Variants in CDH13 observed in about 807,000 individuals in gnomAD.
The protein encoded by CDH13 is cadherin 13.
In CDH13, 24 loss-of-function variants were observed where a neutral mutation model predicts 63.8. That is an observed-to-expected ratio of 0.38 (90% CI 0.27 to 0.53). CDH13 has a LOEUF of 0.53. CDH13 is among the 20% of genes least tolerant of loss of function. CDH13 has a pLI of 0.85. For synonymous variants in CDH13, 503 were observed against 355.3 expected, an observed-to-expected ratio of 1.42 and a Z score of -4.67; for missense variants, 1,049 against 903.1, an observed-to-expected ratio of 1.16 and a Z score of -2.07.
chr16:83,782,989 T>C (rs1373393537), intron 12 of CDH13, among the ~76,000 whole-genome samples: 1 of 152,164 alleles, frequency 6.6e-6, no homozygotes, highest in African/African-American at 2.4e-5. Context: ...CACAGAACTC[T>C]GGTGATGGAA....
intron 4 of CDH13, among the ~76,000 whole-genome samples, chr16:83,155,638 T>C (rs1263546017): frequency 6.6e-6 from 1 of 152,100 alleles, no homozygotes; most frequent in Non-Finnish European, 1.5e-5. Flanking sequence ...AACTTTAAAA[T>C]GGATGCATTG....
Position 83,508,601 on chromosome 16 carries a change from G to C in CDH13, c.960+21946G>C, listed in dbSNP as rs186120552. On this transcript the variant is annotated intron_variant, in intron 7 of 13. Transcript: ENST00000567109. ...GATTACCATCCCTTCTTGACCCTTGGAATAGGACAACTTCGAGATATGTTC... is the reference window on the plus strand; with the variant it reads ...GATTACCATCCCTTCTTGACCCTTGCAATAGGACAACTTCGAGATATGTTC... 4.2e-3 allele frequency among the ~76,000 whole-genome samples: 637 copies of C among 152,258 alleles called. 7 individuals are homozygous for C. Among genetic ancestry groups the C allele is most frequent in the African/African-American group, 0.015 (613 of 41,570 alleles).
At chr16:82,937,905 G>A (rs921217233) in intron 2 of CDH13, among the ~76,000 whole-genome samples, 1 of 152,166 alleles carries the variant, frequency 6.6e-6, no homozygotes, top group African/African-American at 2.4e-5. Context: ...TATTTTTAAA[G>A]ACGTATAATA....
intron 5 of CDH13, among the ~76,000 whole-genome samples, chr16:83,327,083 G>A (rs2090380446): frequency 6.6e-6 from 1 of 152,182 alleles, no homozygotes; most frequent in African/African-American, 2.4e-5. Context: ...CTATTTCCAT[G>A]ACTTGTGTCA....
At chr16:83,390,463 T>TA (rs199808887) in intron 6 of CDH13, among the ~76,000 whole-genome samples, 1,934 of 151,994 alleles carry the variant, frequency 0.013, 43 homozygotes, top group African/African-American at 0.045. Context: ...ATACTTTTTT[T>TA]TTTTTCCATG....
intron 7 of CDH13, among the ~76,000 whole-genome samples, chr16:83,578,547 C>G (rs1905247417): frequency 6.6e-6 from 1 of 152,212 alleles, no homozygotes; most frequent in Non-Finnish European, 1.5e-5. Flanking sequence ...TGAGCTGACC[C>G]TTCAAGGGCA....
intron 3 of CDH13, among the ~76,000 whole-genome samples, chr16:83,111,157 G>C (rs1050433786): frequency 2.0e-5 from 3 of 146,932 alleles, no homozygotes; most frequent in African/African-American, 7.6e-5. Flanking sequence ...GGGCGACAGA[G>C]CGGGACTCCG....
chr16:82,693,683 G>T (rs1047148804), intron 1 of CDH13, among the ~76,000 whole-genome samples: 2 of 152,186 alleles, frequency 1.3e-5, no homozygotes, highest in African/African-American at 4.8e-5. Flanking sequence ...TGTGCACCCT[G>T]CCACATGTTA....
intron 5 of CDH13, among the ~76,000 whole-genome samples, chr16:83,313,572 A>G (rs904863116): frequency 6.6e-6 from 1 of 151,118 alleles, no homozygotes; most frequent in African/African-American, 2.4e-5. Flanking sequence ...GCCCCAGGCC[A>G]TGGTAGATTT....
chr16:82,744,717 A>C (rs1456976611), intron 1 of CDH13, among the ~76,000 whole-genome samples: 2 of 152,178 alleles, frequency 1.3e-5, no homozygotes, highest in Non-Finnish European at 2.9e-5. Flanking sequence ...ACTGCAGTGA[A>C]TACTTCTATA....
intron 6 of CDH13, among the ~76,000 whole-genome samples, chr16:83,484,046 A>G (rs2073832641): frequency 6.6e-6 from 1 of 152,210 alleles, no homozygotes; most frequent in Non-Finnish European, 1.5e-5. Context: ...TGCACCTTGA[A>G]GCATGTGGCC....
At chr16:83,457,884 T>C (rs1421956291) in intron 6 of CDH13, among the ~76,000 whole-genome samples, 1 of 152,202 alleles carries the variant, frequency 6.6e-6, no homozygotes, top group African/African-American at 2.4e-5. Flanking sequence ...ATTTGCATTT[T>C]CAAAAGCTCC....
chr16:83,439,231 A>G (rs749191209), intron 6 of CDH13, among the ~76,000 whole-genome samples: 11 of 152,170 alleles, frequency 7.2e-5, no homozygotes, highest in Non-Finnish European at 1.3e-4. Context: ...AACCCAAGCA[A>G]TTTACATAGC....
intron 5 of CDH13, among the ~76,000 whole-genome samples, chr16:83,314,169 A>T (rs1486292669): frequency 6.6e-6 from 1 of 152,180 alleles, no homozygotes; most frequent in Non-Finnish European, 1.5e-5. Context: ...TTTATTTTTA[A>T]TAAACTTTAT....
intron 2 of CDH13, among the ~76,000 whole-genome samples, chr16:82,975,031 C>G (rs1024498191): frequency 6.6e-6 from 1 of 152,048 alleles, no homozygotes; most frequent in Non-Finnish European, 1.5e-5. Flanking sequence ...ACATGAAGTC[C>G]TCACGTCTGC....
At chr16:82,636,271 C>T (rs1223094947) in intron 1 of CDH13, among the ~76,000 whole-genome samples, 1 of 151,838 alleles carries the variant, frequency 6.6e-6, no homozygotes, top group African/African-American at 2.4e-5. Context: ...TAAACAGGGT[C>T]GGTCTGAGGG....
chr16:82,750,469 G>A (rs1308634873), intron 1 of CDH13, among the ~76,000 whole-genome samples: 1 of 152,122 alleles, frequency 6.6e-6, no homozygotes, highest in Non-Finnish European at 1.5e-5. Context: ...TCACAGAAGA[G>A]AACAATTCTT....
At chr16:83,419,351 C>T (rs887434872) in intron 6 of CDH13, among the ~76,000 whole-genome samples, 2 of 152,140 alleles carry the variant, frequency 1.3e-5, no homozygotes, top group African/African-American at 4.8e-5. Flanking sequence ...ACATATAAGA[C>T]ATCAGAACTA....
intron 2 of CDH13, among the ~76,000 whole-genome samples, chr16:83,011,258 A>T (rs559063599): frequency 6.6e-6 from 1 of 152,314 alleles, no homozygotes; most frequent in African/African-American, 2.4e-5. Flanking sequence ...TGGAGAAATA[A>T]TAGTAATATC....
Sources: allele counts gnomAD v4.1 joint callset (sites outside exome capture counted in the v4.1 genomes callset), GRCh38; gene constraint gnomAD v4.1.1; transcripts MANE v1.5; gene names NCBI Gene and HGNC (gene_info 2026-07-23, HGNC 2026-07-21).